PAX5: variants seen among roughly 807,000 people sequenced by gnomAD.
The protein encoded by PAX5 is paired box 5.
PAX5 carries 9 observed loss-of-function variants against 43.7 expected under a neutral mutation model. The ratio of observed to expected loss-of-function variants is 0.21; its 90% CI spans 0.12 to 0.36. The LOEUF (loss-of-function observed/expected upper bound fraction) is 0.36. Among genes scored for constraint, PAX5 ranks in the 10% least tolerant of loss-of-function variants. The pLI is 1.00. For synonymous variants in PAX5, 228 were observed against 214.3 expected (o/e 1.06, Z -0.56); for missense variants, 383 against 532.7 (o/e 0.72, Z 2.77).
chr9:36,894,665 A>G (rs1827694369), intron 7 of PAX5, among the ~76,000 whole-genome samples: 1 of 152,208 alleles, frequency 6.6e-6, no homozygotes, highest in African/African-American at 2.4e-5. Flanking sequence ...CATGGATTAA[A>G]TTAACAAATA....
chr9:36,966,524 G>C, intron 6 of PAX5, 25 bp downstream of exon 6: 1 of 1,602,690 alleles, frequency 6.2e-7, no homozygotes, highest in Non-Finnish European at 8.5e-7. Context: ...TGGCAGGTGT[G>C]GTGGGCGTGC....
chr9:36,855,664 T>A (rs72735604), intron 8 of PAX5, among the ~76,000 whole-genome samples: 31,986 of 152,052 alleles, frequency 0.21, 4,049 homozygotes, highest in East Asian at 0.45. Flanking sequence ...GTCAAGGCCC[T>A]TCAGGGGCTG....
rs187603298 is a variant in PAX5, at chr9:36,842,006, A to G, written c.1100-1370T>C. Reference sequence around the variant, plus strand: ...GATGCACCACCTCTCCTCCTCATTCAGCCCTGATGAGCCGATGTGCTGCTC... The same window carrying G: ...GATGCACCACCTCTCCTCCTCATTCGGCCCTGATGAGCCGATGTGCTGCTC... On this transcript the variant is annotated intron_variant, in intron 9 of 9. Coordinates refer to ENST00000358127, the MANE Select transcript of PAX5 (RefSeq NM_016734.3). 1.4e-3 allele frequency among the ~76,000 whole-genome samples: 220 copies of G among 152,236 alleles called. 1 individual carries two copies. The highest frequency in any genetic ancestry group is 5.2e-3 in the African/African-American group (216 of 41,532).
At chr9:36,911,757 G>T (rs1829310050) in intron 7 of PAX5, among the ~76,000 whole-genome samples, 1 of 152,256 alleles carries the variant, frequency 6.6e-6, no homozygotes, top group African/African-American at 2.4e-5. Context: ...GCTGTTCAGA[G>T]CTGCCTGGCA....
At position 36,835,508 on chromosome 9, in the gene PAX5, T is replaced by C. The variant is rs368510353; in HGVS notation, c.*5052A>G. The C allele has an allele frequency of 2.4e-3, 563 of 232,844 alleles. 3 individuals are homozygous for C. Among genetic ancestry groups the C allele is most frequent in the Middle Eastern group, 0.013 (10 of 788 alleles). The allele number at this position is 232,844 out of a possible 1,614,324, so 14.4% of individuals were successfully genotyped here. A position where few individuals can be genotyped will look rare whatever the true frequency, so the allele number is the denominator to read the frequency against. Reference sequence around the variant, plus strand: ...GGGGAAGTACACATCAGCACTGTGGTTCCCCCATGAATATGCAAGAGGGAA... The same window carrying C: ...GGGGAAGTACACATCAGCACTGTGGCTCCCCCATGAATATGCAAGAGGGAA... On this transcript the variant is annotated 3_prime_UTR_variant, in exon 10 of 10. Transcript: ENST00000358127.
intron 1 of PAX5, among the ~76,000 whole-genome samples, chr9:37,022,842 T>G (rs1293018173): frequency 1.3e-5 from 2 of 152,138 alleles, no homozygotes; most frequent in African/African-American, 4.8e-5. Context: ...GGTCCACAGC[T>G]GACAACAGAC....
At position 36,976,784 on chromosome 9, in the gene PAX5, A is replaced by G. The variant is rs1490770840; in HGVS notation, c.605-10060T>C. On this transcript the variant is annotated intron_variant, in intron 5 of 9. Transcript: ENST00000358127. ...ATCCGATTGTGCCGGGTGTTACCCA[A>G]TGAGTCACAGGCTGTCAGTGTGGGA... 7.2e-5 allele frequency among the ~76,000 whole-genome samples: 11 copies of G among 152,216 alleles called. No homozygotes were observed. In the East Asian group the frequency reaches 1.7e-3, roughly 24 times the overall value.
At chr9:36,907,984 G>A (rs1029061049) in intron 7 of PAX5, among the ~76,000 whole-genome samples, 2 of 152,062 alleles carry the variant, frequency 1.3e-5, no homozygotes, top group African/African-American at 2.4e-5. Context: ...AGGATTGCTC[G>A]AGCCCAGGAG....
In PAX5 at chr9:37,032,115, T is replaced by C. The variant is rs577076887; in HGVS notation, c.46+1871A>G. Among the ~76,000 whole-genome samples, 4 of 152,280 alleles carry C rather than the reference T, an allele frequency of 2.6e-5. No homozygotes were observed. The East Asian group carries it at 7.7e-4, about 29-fold the overall frequency. ...CATCAGTGAGGAGGGGGCGTGGCTCTCTAGATTTTAAGGCTTGGCCAGCCT... is the reference window on the plus strand; with the variant it reads ...CATCAGTGAGGAGGGGGCGTGGCTCCCTAGATTTTAAGGCTTGGCCAGCCT... On this transcript the variant is annotated intron_variant, in intron 1 of 9. Transcript: ENST00000358127.
chr9:37,003,875 T>C (rs1407360005), intron 4 of PAX5, among the ~76,000 whole-genome samples: 24 of 152,240 alleles, frequency 1.6e-4, no homozygotes, highest in Admixed American at 1.6e-3. Flanking sequence ...AGAGTGGTGA[T>C]TTGAACCCAG....
chr9:37,032,108 G>A (rs1045015944), intron 1 of PAX5, among the ~76,000 whole-genome samples: 6 of 152,184 alleles, frequency 3.9e-5, no homozygotes, highest in African/African-American at 9.7e-5. Flanking sequence ...AGGAGGGGGC[G>A]TGGCTCTCTA....
chr9:37,019,322 G>T (rs1158512608), intron 2 of PAX5, among the ~76,000 whole-genome samples: 1 of 152,062 alleles, frequency 6.6e-6, no homozygotes, highest in Non-Finnish European at 1.5e-5. Context: ...TTAATGTCCT[G>T]CAATCACCCC....
rs1185094917 is a variant in PAX5, at chr9:37,006,556, C to T, written c.411-19G>A. 3 of 1,608,966 alleles carry T rather than the reference C, an allele frequency of 1.9e-6. No homozygotes were observed. The highest frequency in any genetic ancestry group is 1.7e-5 in the Admixed American group (1 of 59,968). The stretch of plus-strand genomic sequence containing the variant: ...GATGATCCTGTGGGCAGTTGAAAAA[C>T]AAAATTGCTATTTACCATCAGGAAG... On this transcript the variant is annotated intron_variant, in intron 3 of 9. Transcript: ENST00000358127.
intron 8 of PAX5, among the ~76,000 whole-genome samples, chr9:36,854,889 C>T (rs1823511514): frequency 6.6e-6 from 1 of 152,234 alleles, no homozygotes; most frequent in Non-Finnish European, 1.5e-5. Flanking sequence ...ACTTCTGTTT[C>T]TCCCGAGAGC....
intron 6 of PAX5, among the ~76,000 whole-genome samples, chr9:36,937,586 T>G (rs193160461): frequency 2.0e-5 from 3 of 152,198 alleles, no homozygotes; most frequent in African/African-American, 7.2e-5. Flanking sequence ...CCTCTTCCTG[T>G]GTTTGGTGAC....
intron 2 of PAX5, among the ~76,000 whole-genome samples, chr9:37,020,098 G>GT (rs5897671): frequency 0.45 from 66,082 of 146,178 alleles, 14,952 homozygotes; most frequent in South Asian, 0.59. Context: ...TGGTGTTTGG[G>GT]TTTTTTTTTT....
chr9:36,851,322 AT>A (rs1362898349), intron 8 of PAX5, among the ~76,000 whole-genome samples: 1 of 152,174 alleles, frequency 6.6e-6, no homozygotes, highest in Non-Finnish European at 1.5e-5. Context: ...GTAGAAGAAC[AT>A]TGAAGAAGTG....
At position 36,882,146 on chromosome 9, in the gene PAX5, G is replaced by A. The variant is rs374549448; in HGVS notation, c.911-41C>T. 22 of 1,479,634 alleles carry A rather than the reference G, an allele frequency of 1.5e-5. No homozygotes were observed. The highest frequency in any genetic ancestry group is 2.8e-5 in the African/African-American group (2 of 71,922). The allele number at this position is 1,479,634 out of a possible 1,614,324, so 91.7% of individuals were successfully genotyped here. ...AACAAATCACAGGGTGAGCATCTTC[G>A]CGGCCAGCCGCTCATGTCCACAGCT... On this transcript the variant is annotated intron_variant, in intron 7 of 9. Transcript: ENST00000358127. The surrounding 1 kb of genome is among the most constrained non-coding windows in gnomAD (Gnocchi z 4.4).
At chr9:36,908,370 G>A (rs1828990835) in intron 7 of PAX5, among the ~76,000 whole-genome samples, 1 of 151,898 alleles carries the variant, frequency 6.6e-6, no homozygotes, top group Non-Finnish European at 1.5e-5. Flanking sequence ...GCTGTCAAAA[G>A]CACTTGGCTT....
Sources: gnomAD v4.1 joint callset for allele counts (sites outside exome capture counted in the v4.1 genomes callset) on GRCh38, gnomAD v4.1.1 for gene constraint, Gnocchi (gnomAD v3.1) non-coding constraint, MANE v1.5 for transcripts, NCBI Gene and HGNC (gene_info 2026-07-23, HGNC 2026-07-21) for gene names.